Variants in RTN3 observed in about 807,000 individuals in gnomAD.
The protein encoded by RTN3 is reticulon-3.
In RTN3, 49 loss-of-function variants were observed where a neutral mutation model predicts 77.8. That is an observed-to-expected ratio of 0.63 (90% CI 0.50 to 0.80). The LOEUF (loss-of-function observed/expected upper bound fraction) is 0.80, where lower values mean the gene tolerates loss of function less well. RTN3 is among the 30% of genes least tolerant of loss of function. The probability of loss-of-function intolerance (pLI) is 0.00; values close to 1 mark genes in which losing one functional copy is unlikely to be tolerated. For synonymous variants in RTN3, 464 were observed against 446.9 expected, an observed-to-expected ratio of 1.04 and a Z score of -0.48; for missense variants, 1,236 against 1,211.9, an observed-to-expected ratio of 1.02 and a Z score of -0.29.
intron 2 of RTN3, among the ~76,000 whole-genome samples, chr11:63,711,232 A>G (rs2011152352): frequency 6.6e-6 from 1 of 152,064 alleles, no homozygotes; most frequent in Non-Finnish European, 1.5e-5. Context: ...GTGAGCTGAC[A>G]TCAGGCCACT....
chr11:63,702,700 T>G (rs190651214), intron 1 of RTN3, among the ~76,000 whole-genome samples: 1,599 of 151,184 alleles, frequency 0.011, 16 homozygotes, highest in Non-Finnish European at 0.017. Context: ...TTGTTTTTTT[T>G]TTTGAGACGG....
chr11:63,688,068 T>A lies in RTN3; in HGVS notation c.142+6290T>A, dbSNP rs552243972. On this transcript the variant is annotated intron_variant, in intron 1 of 8. Transcript: ENST00000377819. Reference sequence around the variant, plus strand: ...AATATGCTTAAATACTTATGCAGATTCTGACTAATAAATGTTGTTATGATA... The same window carrying A: ...AATATGCTTAAATACTTATGCAGATACTGACTAATAAATGTTGTTATGATA... Among the ~76,000 whole-genome samples the A allele has an allele frequency of 8.5e-5, 13 of 152,260 alleles. No individual in the cohort carries two copies. In the East Asian group the frequency reaches 2.3e-3, roughly 27 times the overall value.
intron 3 of RTN3, among the ~76,000 whole-genome samples, chr11:63,735,055 C>T (rs1355996397): frequency 6.6e-6 from 1 of 152,028 alleles, no homozygotes; most frequent in Non-Finnish European, 1.5e-5. Context: ...TTGAGACAGC[C>T]TTTCTCTGTC....
Position 63,719,458 on chromosome 11 carries a change from A to G in RTN3, c.956A>G (p.Asn319Ser). Residue 319 changes from asparagine (N) to serine (S), a missense_variant, in exon 3 of 9, where the codon AAT (asparagine) becomes AGT (serine). Coordinates refer to ENST00000377819, the MANE Select transcript of RTN3 (RefSeq NM_001265589.2). ...ALLSRQFSHTNAALEEVSRCV... is the reference protein window; with the variant it reads ...ALLSRQFSHTSAALEEVSRCV... ...CTCAGTAGGCAGTTTTCACACACAA[A>G]TGCAGCACTGGAAGAGGTGTCCAGA... The G allele has an allele frequency of 6.2e-7, 1 of 1,614,170 alleles. No homozygotes were observed. Among genetic ancestry groups the G allele is most frequent in the Non-Finnish European group, 8.5e-7 (1 of 1,180,026 alleles).
At chr11:63,749,276 C>G (rs1037720536) in intron 3 of RTN3, among the ~76,000 whole-genome samples, 1 of 152,006 alleles carries the variant, frequency 6.6e-6, no homozygotes, top group Non-Finnish European at 1.5e-5. Context: ...GAGACGCTGT[C>G]TCAAAAAAGG....
At chr11:63,697,136 G>A (rs1191268406) in intron 1 of RTN3, among the ~76,000 whole-genome samples, 4 of 151,644 alleles carry the variant, frequency 2.6e-5, no homozygotes, top group African/African-American at 4.8e-5. Context: ...TGTCCGCCTC[G>A]GCCTCCCAAA....
chr11:63,750,280 A>G, intron 4 of RTN3, 82 bp downstream of exon 4: 1 of 1,171,974 alleles, frequency 8.5e-7, no homozygotes, highest in Admixed American at 2.2e-5. Context: ...CTCAGACCTG[A>G]CTAAAAATCA....
intron 2 of RTN3, among the ~76,000 whole-genome samples, chr11:63,708,603 G>A (rs1942606046): frequency 6.6e-6 from 1 of 152,180 alleles, no homozygotes; most frequent in Non-Finnish European, 1.5e-5. Context: ...GTTTTTAAAA[G>A]TAAATTTTGT....
At chr11:63,705,701 A>G (rs113273708) in intron 2 of RTN3, among the ~76,000 whole-genome samples, 17 of 152,234 alleles carry the variant, frequency 1.1e-4, no homozygotes, top group African/African-American at 3.9e-4. Flanking sequence ...GGCTAGTTCC[A>G]AATTGCCTAC....
intron 3 of RTN3, among the ~76,000 whole-genome samples, chr11:63,740,549 G>A (rs1235109371): frequency 2.7e-5 from 4 of 148,028 alleles, no homozygotes; most frequent in Admixed American, 1.4e-4. Context: ...CATCTGCCTC[G>A]GCCTCCTAAA....
chr11:63,720,159 A>G lies in RTN3; in HGVS notation c.1657A>G (p.Lys553Glu), dbSNP rs1193423917. Residue 553 changes from lysine to glutamate, a missense_variant, in exon 3 of 9, where the codon AAA becomes GAA. This residue lies in a region of RTN3 where 1,056 missense variants were observed against 990.4 expected (regional missense o/e 1.07). Coordinates refer to ENST00000377819, the MANE Select transcript of RTN3 (RefSeq NM_001265589.2). ...TTGTGAGAGAGAAGAAAAAACATCT[A>G]AAAACTTTGAAGAATTGGTCAGTGA... is the stretch of plus-strand genomic sequence containing the variant. ...PSCEREEKTS[K>E]NFEELVSDSE... The G allele has an allele frequency of 2.5e-6, 4 of 1,613,896 alleles. No individual in the cohort carries two copies. The highest frequency in any genetic ancestry group is 2.7e-5 in the African/African-American group (2 of 74,932).
At position 63,752,591 on chromosome 11, in the gene RTN3, C is replaced by T; in HGVS notation, c.2823C>T (p.Ala941=). ...CTGCCATGGTGCACATCAACAGGGC[C>T]CTGAAACTCATTATTCGTCTCTTTC... ...MNAAMVHINR[A]LKLIIRLFLV... Residue 941 remains alanine, a synonymous_variant, in exon 5 of 9, where the codon GCC becomes GCT. Transcript: ENST00000377819. 1.2e-6 allele frequency: 2 copies of T among 1,613,330 alleles called. No homozygotes were observed. The highest frequency in any genetic ancestry group is 1.7e-6 in the Non-Finnish European group (2 of 1,179,640).
In RTN3 at chr11:63,758,264, C is replaced by T. The variant is rs1342833855; in HGVS notation, c.*63C>T. ...CCATTTAATAGTTATAACGTCGTTA[C>T]TTGTACTATGAAGGAAAATACTCAG... On this transcript the variant is annotated 3_prime_UTR_variant, in exon 9 of 9. Coordinates refer to ENST00000377819, the MANE Select transcript of RTN3 (RefSeq NM_001265589.2). The T allele has an allele frequency of 2.5e-6, 4 of 1,613,516 alleles. No homozygotes were observed. The African/African-American group carries it at 4.0e-5, about 16-fold the overall frequency.
intron 3 of RTN3, among the ~76,000 whole-genome samples, chr11:63,722,101 T>C (rs1005811090): frequency 3.3e-5 from 5 of 151,954 alleles, no homozygotes; most frequent in Non-Finnish European, 7.4e-5. Flanking sequence ...TCTTGGAAAG[T>C]ACAAGAAAAA....
At chr11:63,692,439 G>A (rs2134649062) in intron 1 of RTN3, among the ~76,000 whole-genome samples, 1 of 151,452 alleles carries the variant, frequency 6.6e-6, no homozygotes, top group East Asian at 2.0e-4. Flanking sequence ...CCCCACCCCT[G>A]CAACCCGGCC....
intron 1 of RTN3, among the ~76,000 whole-genome samples, chr11:63,697,460 C>T (rs935589784): frequency 2.4e-5 from 3 of 123,590 alleles, no homozygotes; most frequent in East Asian, 5.4e-4. Context: ...TGTGCCACCA[C>T]ACCCAGCTCA....
chr11:63,712,911 C>G (rs919680175), intron 2 of RTN3, among the ~76,000 whole-genome samples: 1 of 152,062 alleles, frequency 6.6e-6, no homozygotes, highest in African/African-American at 2.4e-5. Flanking sequence ...GCCTAACCAA[C>G]GTGGAGAAAC....
At chr11:63,747,559 C>T (rs956959447) in intron 3 of RTN3, among the ~76,000 whole-genome samples, 11 of 152,272 alleles carry the variant, frequency 7.2e-5, no homozygotes, top group African/African-American at 2.4e-4. Flanking sequence ...GTGATTACTT[C>T]TTATATACAA....
At chr11:63,724,170 A>ATTT (rs2012036613) in intron 3 of RTN3, among the ~76,000 whole-genome samples, 2 of 127,304 alleles carry the variant, frequency 1.6e-5, no homozygotes, top group African/African-American at 6.2e-5. Context: ...GTTTTTAGGA[A>ATTT]TTCTTTTTTT....
Sources: allele counts gnomAD v4.1 joint callset (sites outside exome capture counted in the v4.1 genomes callset), GRCh38; gene constraint gnomAD v4.1.1; regional missense constraint gnomAD v4.1.1; transcripts MANE v1.5; gene names NCBI Gene and HGNC (gene_info 2026-07-23, HGNC 2026-07-21).